IGSF10: variants seen among roughly 807,000 people sequenced by gnomAD.
The protein encoded by IGSF10 is calvaria mechanical force protein 608.
Under a neutral mutation model 128.2 loss-of-function variants are expected in IGSF10, and 126 were observed. That is an observed-to-expected ratio of 0.98 (90% CI 0.85 to 1.14). The LOEUF is 1.14. IGSF10 is among the 50% of genes most tolerant of loss of function. The pLI is 0.00. For synonymous variants in IGSF10, 1,185 were observed against 1,146.2 expected, an observed-to-expected ratio of 1.03 and a Z score of -0.68; for missense variants, 3,295 against 3,149.8, an observed-to-expected ratio of 1.05 and a Z score of -1.10.
At chr3:151,462,108 A>G (rs764264323), upstream of IGSF10, among the ~76,000 whole-genome samples, 9 of 152,108 alleles carry the variant, frequency 5.9e-5, no homozygotes, top group Non-Finnish European at 1.3e-4. Flanking sequence ...CCCACATGTA[A>G]TATCTCCTGC....
rs1721828683 is a variant in IGSF10 at position 151,457,033 on chromosome 3, G to A, written c.317C>T (p.Ala106Val). Residue 106 changes from alanine (A) to valine (V), a missense_variant, in exon 4 of 8, where the codon GCC becomes GTC. Ala to Val is a moderately conservative substitution (Grantham distance 64). Transcript: ENST00000282466. ...IPDKTFSDLQ[A>V]LQVLKMSYNK... ...TCTCTCCATCAGTCTCACCTGCAAGGCCTGCAAATCTGAGAAGGTCTTGTC... is the reference window on the plus strand; with the variant it reads ...TCTCTCCATCAGTCTCACCTGCAAGACCTGCAAATCTGAGAAGGTCTTGTC... The A allele has an allele frequency of 6.2e-7, 1 of 1,614,030 alleles. No homozygotes were observed. The highest frequency in any genetic ancestry group is 1.7e-5 in the Admixed American group (1 of 60,000).
rs746528954 is a variant in IGSF10, at chr3:151,445,650, C to A, written c.4331G>T (p.Ser1444Ile). Residue 1444 changes from serine to isoleucine, a missense_variant, in exon 6 of 8, where the codon AGC (serine) becomes ATC (isoleucine). Ser to Ile is a moderately radical substitution (Grantham distance 142). Transcript: ENST00000282466. ...STIASETTLS[S>I]KSHQSTTTRK... ...AGTTGTGGTACTCTGGTGTGATTTG[C>A]TGGACAAAGTTGTTTCAGAAGCAAT... The A allele has an allele frequency of 6.2e-7, 1 of 1,614,070 alleles. No homozygotes were observed. Among genetic ancestry groups the A allele is most frequent in the African/African-American group, 1.3e-5 (1 of 74,926 alleles).
At position 151,445,037 on chromosome 3, in the gene IGSF10, G is replaced by A; in HGVS notation, c.4944C>T (p.Pro1648=). 6.2e-7 allele frequency: 1 copy of A among 1,614,198 alleles called. No individual in the cohort carries two copies. Among genetic ancestry groups the A allele is most frequent in the Non-Finnish European group, 8.5e-7 (1 of 1,180,036 alleles). The change falls in exon 6 of 8, where the codon CCC becomes CCT. Residue 1648 remains proline, a synonymous_variant. Transcript: ENST00000282466. ...TTGCAGCTTTTCCTCCAACTATCCT[G>A]GGCTTTTCAAATATATACCTAGACA... is the stretch of plus-strand genomic sequence containing the variant. ...DSLSRYIFEK[P]RIVGGKAASF...
chr3:151,535,220 C>T, the IGSF10 span, among the ~76,000 whole-genome samples: 1 of 151,904 alleles, frequency 6.6e-6, no homozygotes, highest in Admixed American at 6.6e-5. Flanking sequence ...TAATGTGGGC[C>T]ACCACAGAAA....
chr3:151,452,943 G>A (rs1156884061), intron 5 of IGSF10, among the ~76,000 whole-genome samples: 2 of 151,984 alleles, frequency 1.3e-5, no homozygotes, highest in African/African-American at 4.8e-5. Flanking sequence ...GTACGAGGAG[G>A]TAAAACAGCT....
the IGSF10 span, among the ~76,000 whole-genome samples, chr3:151,515,986 CATT>C: frequency 1.3e-5 from 2 of 152,038 alleles, no homozygotes; most frequent in East Asian, 1.9e-4. Flanking sequence ...ATATTATGCT[CATT>C]ATGCCACAGT....
At chr3:151,490,423 G>A in the IGSF10 span, among the ~76,000 whole-genome samples, 2 of 151,892 alleles carry the variant, frequency 1.3e-5, no homozygotes, top group African/African-American at 4.8e-5. Flanking sequence ...ATACGATAGT[G>A]GGGAATTTTG....
chr3:151,493,399 C>T, the IGSF10 span, among the ~76,000 whole-genome samples: 2 of 152,012 alleles, frequency 1.3e-5, no homozygotes, highest in Admixed American at 1.3e-4. Context: ...AACGATGGAC[C>T]CCCATATACC....
chr3:151,534,198 T>C, the IGSF10 span, among the ~76,000 whole-genome samples: 4 of 152,228 alleles, frequency 2.6e-5, no homozygotes, highest in African/African-American at 9.6e-5. Context: ...ACTTTTACAC[T>C]GTTGGTGGGA....
chr3:151,447,824 G>A lies in IGSF10; in HGVS notation c.2157C>T (p.His719=), dbSNP rs1382910444. 2 of 1,613,982 alleles carry A rather than the reference G, an allele frequency of 1.2e-6. No homozygotes were observed. Among genetic ancestry groups the A allele is most frequent in the African/African-American group, 1.3e-5 (1 of 74,876 alleles). ...GCTGGAGTGTTAATTCCCGATAGTT[G>A]TGCCTCTTACTTGTGCTTGAGGTGT... The part of the protein sequence containing the change: ...GKHTSSTSKR[H]NYRELTLQRR... The change falls in exon 6 of 8, where the codon CAC becomes CAT. Residue 719 remains histidine (H), a synonymous_variant. Transcript: ENST00000282466.
At chr3:151,555,143 G>A in the IGSF10 span, among the ~76,000 whole-genome samples, 1 of 152,096 alleles carries the variant, frequency 6.6e-6, no homozygotes, top group Admixed American at 6.6e-5. Flanking sequence ...GAAAAATTGT[G>A]TCCCATTAAT....
At chr3:151,455,406 C>T (rs1197319876) in intron 4 of IGSF10, among the ~76,000 whole-genome samples, 2 of 152,056 alleles carry the variant, frequency 1.3e-5, no homozygotes, top group Non-Finnish European at 2.9e-5. Context: ...AGCCACTGCG[C>T]CCGGCCTAAA....
At chr3:151,498,012 C>T in the IGSF10 span, among the ~76,000 whole-genome samples, 3 of 152,110 alleles carry the variant, frequency 2.0e-5, no homozygotes, top group Non-Finnish European at 4.4e-5. Flanking sequence ...GTGATTTTTG[C>T]ACATTGATTT....
At chr3:151,525,187 G>A in the IGSF10 span, among the ~76,000 whole-genome samples, 22 of 151,502 alleles carry the variant, frequency 1.5e-4, no homozygotes, top group East Asian at 5.8e-4. Context: ...CACCCTGCCT[G>A]GCTCATTATA....
chr3:151,435,296 C>G (rs1164178616), downstream of IGSF10: 1 of 152,030 alleles, frequency 6.6e-6, no homozygotes, highest in East Asian at 1.9e-4. Context: ...CATAGACTCT[C>G]TTGTTTACAC....
At chr3:151,594,625 T>C in the IGSF10 span, among the ~76,000 whole-genome samples, 2 of 150,234 alleles carry the variant, frequency 1.3e-5, no homozygotes, top group African/African-American at 4.9e-5. Flanking sequence ...CCCGGCCCTT[T>C]TTTTTTTTTT....
chr3:151,592,840 T>C, the IGSF10 span, among the ~76,000 whole-genome samples: 3 of 152,212 alleles, frequency 2.0e-5, no homozygotes, highest in Non-Finnish European at 4.4e-5. Flanking sequence ...TGCAGTGCTT[T>C]GAAAGAACAA....
At chr3:151,539,008 G>C in the IGSF10 span, among the ~76,000 whole-genome samples, 1 of 152,134 alleles carries the variant, frequency 6.6e-6, no homozygotes, top group Non-Finnish European at 1.5e-5. Context: ...TTTTTTTCTT[G>C]CCTGTGTTTT....
At chr3:151,432,619 A>C, downstream of IGSF10, 1 of 635,838 alleles carries the variant, frequency 1.6e-6, no homozygotes, top group Non-Finnish European at 2.8e-6. Context: ...TTTTCAGGGC[A>C]AGGATAGTAC....
Sources: gnomAD v4.1 joint callset for allele counts (sites outside exome capture counted in the v4.1 genomes callset) on GRCh38, gnomAD v4.1.1 for gene constraint, MANE v1.5 for transcripts, NCBI Gene and HGNC (gene_info 2026-07-23, HGNC 2026-07-21) for gene names.